The following ZNG1F variants were observed in gnomAD, a reference collection of about 807,000 sequenced individuals.
ZNG1F encodes the protein Zn regulated GTPase metalloprotein activator 1F, also known as zinc-regulated GTPase metalloprotein activator 1F.
At chr9:41,137,122 T>C in the ZNG1F span, among the ~76,000 whole-genome samples, 4 of 132,860 alleles carry the variant, frequency 3.0e-5, no homozygotes, top group South Asian at 1.0e-3. Context: ...TTTAGGGCTA[T>C]GAACTTTCCT....
chr9:41,156,025 T>A, the ZNG1F span, among the ~76,000 whole-genome samples: 2 of 107,300 alleles, frequency 1.9e-5, no homozygotes, highest in Non-Finnish European at 1.9e-5. Context: ...AAATAAAAAA[T>A]AAAAAAATAA....
At chr9:41,144,666 C>G in the ZNG1F span, among the ~76,000 whole-genome samples, 1 of 148,232 alleles carries the variant, frequency 6.7e-6, no homozygotes, top group Non-Finnish European at 1.5e-5. Flanking sequence ...TTACACATCC[C>G]CCACTCCACC....
At chr9:41,193,652 C>A in the ZNG1F span, among the ~76,000 whole-genome samples, 4,383 of 143,144 alleles carry the variant, frequency 0.031, 2 homozygotes, top group Middle Eastern at 0.04. Context: ...GTAATCCCAG[C>A]GCTTTGGAAA....
chr9:41,183,216 T>C, the ZNG1F span, among the ~76,000 whole-genome samples: 1 of 88,748 alleles, frequency 1.1e-5, no homozygotes, highest in African/African-American at 3.9e-5. Context: ...TTTTTGATAG[T>C]CATTTTTTTT....
the ZNG1F span, chr9:41,134,099 G>T: frequency 4.1e-6 from 1 of 242,180 alleles, no homozygotes; most frequent in East Asian, 1.0e-4. Flanking sequence ...ACAGGGCCAG[G>T]TACTTTTGCC....
chr9:41,204,388 T>TTATATA, the ZNG1F span, among the ~76,000 whole-genome samples: 6 of 20,222 alleles, frequency 3.0e-4, no homozygotes, highest in Non-Finnish European at 4.8e-4. Context: ...AATTTTTATT[T>TTATATA]TATATATATA....
the ZNG1F span, chr9:41,172,010 A>G: frequency 7.9e-6 from 1 of 126,268 alleles, no homozygotes; most frequent in South Asian, 3.9e-5. Context: ...CATTTTATAA[A>G]TTAAACCTCA....
the ZNG1F span, chr9:41,134,102 C>A: frequency 0.03 from 7,007 of 236,344 alleles, 299 homozygotes; most frequent in South Asian, 0.053. Context: ...GGGCCAGGTA[C>A]TTTTGCCTGA....
chr9:41,203,380 GT>G, the ZNG1F span, among the ~76,000 whole-genome samples: 77 of 152,104 alleles, frequency 5.1e-4, no homozygotes, highest in African/African-American at 1.8e-3. Context: ...AACTCAATGA[GT>G]TTTAATAACA....
At chr9:41,162,987 T>A in the ZNG1F span, among the ~76,000 whole-genome samples, 1 of 33,748 alleles carries the variant, frequency 3.0e-5, no homozygotes, top group African/African-American at 6.4e-5. Context: ...AACCAGAAAG[T>A]ACCTGTTAAA....
chr9:41,173,860 A>C, the ZNG1F span, among the ~76,000 whole-genome samples: 2 of 147,474 alleles, frequency 1.4e-5, no homozygotes, highest in African/African-American at 2.5e-5. Context: ...TGAAAAGAAC[A>C]ACAATGCAAG....
the ZNG1F span, among the ~76,000 whole-genome samples, chr9:41,193,074 CATTTTATAGAT>C: frequency 7.2e-6 from 1 of 138,874 alleles, no homozygotes; most frequent in Non-Finnish European, 1.6e-5. Flanking sequence ...TTTGTGTGCC[CATTTTATAGAT>C]GAGGAAATTG....
the ZNG1F span, among the ~76,000 whole-genome samples, chr9:41,156,024 A>G: frequency 8.9e-6 from 1 of 111,918 alleles, no homozygotes; most frequent in Non-Finnish European, 1.8e-5. Context: ...AAAATAAAAA[A>G]TAAAAAAATA....
At chr9:41,184,437 CA>C in the ZNG1F span, among the ~76,000 whole-genome samples, 15 of 93,130 alleles carry the variant, frequency 1.6e-4, no homozygotes, top group East Asian at 6.6e-4. Context: ...GACTCCATCT[CA>C]AAAAAAAAAA....
chr9:41,199,657 A>T, the ZNG1F span, among the ~76,000 whole-genome samples: 1 of 150,442 alleles, frequency 6.6e-6, no homozygotes, highest in East Asian at 2.0e-4. Context: ...ATGGTGCCCC[A>T]GTAGGGACTC....
chr9:41,186,038 GCT>G, the ZNG1F span: 1 of 98,528 alleles, frequency 1.0e-5, no homozygotes, highest in South Asian at 5.9e-5. Context: ...TTACTATGTT[GCT>G]CTGTCAAAAT....
At chr9:41,150,169 G>A in the ZNG1F span, among the ~76,000 whole-genome samples, 1 of 122,194 alleles carries the variant, frequency 8.2e-6, no homozygotes, top group Non-Finnish European at 1.8e-5. Context: ...GGAAGCACAG[G>A]GGGTCAGGGA....
the ZNG1F span, among the ~76,000 whole-genome samples, chr9:41,201,229 T>C: frequency 2.0e-5 from 3 of 147,354 alleles, no homozygotes. Context: ...TGCATGGGCA[T>C]ATATTAATAT....
the ZNG1F span, among the ~76,000 whole-genome samples, chr9:41,201,317 T>A: frequency 7.2e-6 from 1 of 139,030 alleles, no homozygotes; most frequent in African/African-American, 2.6e-5. Flanking sequence ...AATATGTTTG[T>A]GATGATACAC....
Sources: allele counts gnomAD v4.1 joint callset (sites outside exome capture counted in the v4.1 genomes callset), GRCh38; gene constraint gnomAD v4.1.1; transcripts MANE v1.5; gene names NCBI Gene and HGNC (gene_info 2026-07-23, HGNC 2026-07-21).